Variants in SRGAP1 observed in about 807,000 individuals in gnomAD.
The protein encoded by SRGAP1 is SLIT-ROBO Rho GTPase activating protein 1.
SRGAP1 carries 43 observed loss-of-function variants against 121.9 expected under a neutral mutation model. The observed-to-expected ratio is 0.35, with a 90% CI of 0.28 to 0.46. The LOEUF (loss-of-function observed/expected upper bound fraction) is 0.46, where lower values mean the gene tolerates loss of function less well. Ranked by LOEUF, SRGAP1 falls within the 20% of genes least tolerant of loss-of-function variation. SRGAP1 has a pLI of 1.00. For synonymous variants in SRGAP1, 447 were observed against 485.4 expected, an observed-to-expected ratio of 0.92 and a Z score of 1.04; for missense variants, 1,102 against 1,350.9, an observed-to-expected ratio of 0.82 and a Z score of 2.89.
chr12:63,902,658 C>T (rs919529551), intron 1 of SRGAP1, among the ~76,000 whole-genome samples: 3 of 152,198 alleles, frequency 2.0e-5, no homozygotes, highest in African/African-American at 7.2e-5. Context: ...TCTATTTCCT[C>T]AGTTTGCAGT....
chr12:64,135,546 A>C (rs1300300370), intron 21 of SRGAP1, among the ~76,000 whole-genome samples: 1 of 152,108 alleles, frequency 6.6e-6, no homozygotes, highest in Non-Finnish European at 1.5e-5. Context: ...CTCCATACAA[A>C]TGTATTATGT....
intron 4 of SRGAP1, among the ~76,000 whole-genome samples, chr12:64,025,154 A>G (rs987847503): frequency 0.016 from 892 of 54,662 alleles, 10 homozygotes; most frequent in African/African-American, 0.052. Flanking sequence ...CGTTTAAATA[A>G]AAAAAAAAAA....
intron 1 of SRGAP1, among the ~76,000 whole-genome samples, chr12:63,865,610 G>A (rs1264563865): frequency 1.3e-5 from 2 of 152,180 alleles, no homozygotes; most frequent in African/African-American, 2.4e-5. Flanking sequence ...GTCTGTTGGC[G>A]AGAGGTCAGG....
At chr12:64,056,937 T>C (rs1018898216) in intron 6 of SRGAP1, among the ~76,000 whole-genome samples, 6 of 152,188 alleles carry the variant, frequency 3.9e-5, no homozygotes, top group Admixed American at 1.3e-4. Flanking sequence ...ACCCTTTATC[T>C]TATCTATAGC....
At chr12:64,059,645 A>G (rs2035409486) in intron 6 of SRGAP1, among the ~76,000 whole-genome samples, 1 of 152,150 alleles carries the variant, frequency 6.6e-6, no homozygotes, top group African/African-American at 2.4e-5. Flanking sequence ...GTTTTCATTA[A>G]CGCAAATTTC....
chr12:63,880,991 G>C (rs926264420), intron 1 of SRGAP1, among the ~76,000 whole-genome samples: 1 of 152,208 alleles, frequency 6.6e-6, no homozygotes, highest in African/African-American at 2.4e-5. Context: ...GGAGTAGGGG[G>C]AGGGAGGAGA....
intron 1 of SRGAP1, among the ~76,000 whole-genome samples, chr12:63,889,782 C>G (rs1900516284): frequency 6.6e-6 from 1 of 152,054 alleles, no homozygotes; most frequent in African/African-American, 2.4e-5. Flanking sequence ...GTGTGAAGCG[C>G]CTGTAATCCC....
intron 1 of SRGAP1, among the ~76,000 whole-genome samples, chr12:63,950,295 A>G (rs1039269656): frequency 2.6e-5 from 4 of 152,184 alleles, no homozygotes; most frequent in African/African-American, 9.7e-5. Flanking sequence ...ACCTCAGAGA[A>G]CTAGACAGTT....
At chr12:63,929,738 C>A (rs2136336017) in intron 1 of SRGAP1, among the ~76,000 whole-genome samples, 1 of 152,234 alleles carries the variant, frequency 6.6e-6, no homozygotes, top group South Asian at 2.1e-4. Flanking sequence ...CTAAAAAGAT[C>A]CATTTTCTTT....
chr12:64,142,086 C>T (rs1438240441), intron 21 of SRGAP1, among the ~76,000 whole-genome samples: 2 of 152,112 alleles, frequency 1.3e-5, no homozygotes, highest in South Asian at 4.2e-4. Flanking sequence ...TACATGGCTC[C>T]ATGAGCCATT....
intron 1 of SRGAP1, among the ~76,000 whole-genome samples, chr12:63,866,380 A>G (rs1565926760): frequency 1.3e-5 from 2 of 152,292 alleles, no homozygotes; most frequent in South Asian, 2.1e-4. Flanking sequence ...CTGCTTTATG[A>G]CCCATTTTTA....
chr12:64,133,288 G>C (rs2036813309), intron 21 of SRGAP1, among the ~76,000 whole-genome samples: 1 of 152,152 alleles, frequency 6.6e-6, no homozygotes, highest in African/African-American at 2.4e-5. Flanking sequence ...CACCCTACCA[G>C]TCCAGAGCCA....
In SRGAP1 at chr12:64,111,987, G is replaced by T; in HGVS notation, c.2144+1G>T. On this transcript the variant is annotated splice_donor_variant, in intron 17 of 21. Coordinates refer to ENST00000355086, the MANE Select transcript of SRGAP1 (RefSeq NM_020762.4). LOFTEE classifies it high-confidence loss of function. ...AATGTATGGCTGGAGATGACTATTGGTAAGTCTAAGAATTTTAGTCCTCCT... is the reference window on the plus strand; with the variant it reads ...AATGTATGGCTGGAGATGACTATTGTTAAGTCTAAGAATTTTAGTCCTCCT... 1 of 1,611,790 alleles carries T rather than the reference G, an allele frequency of 6.2e-7. No homozygotes were observed. The highest frequency in any genetic ancestry group is 8.5e-7 in the Non-Finnish European group (1 of 1,178,400).
chr12:64,001,578 T>C (rs1200479014), intron 3 of SRGAP1, among the ~76,000 whole-genome samples: 1 of 152,186 alleles, frequency 6.6e-6, no homozygotes, highest in African/African-American at 2.4e-5. Context: ...CAAGACTACA[T>C]GGAAGGCAAC....
chr12:63,927,757 C>G lies in SRGAP1; in HGVS notation c.68-56190C>G, dbSNP rs533408974. On this transcript the variant is annotated intron_variant, in intron 1 of 21. Coordinates refer to ENST00000355086, the MANE Select transcript of SRGAP1 (RefSeq NM_020762.4). Reference sequence around the variant, plus strand: ...CACCTGTGTCCCCCAGAGCTATAAACGCTTTATGGTTGGTAATATACCATA... The same window carrying G: ...CACCTGTGTCCCCCAGAGCTATAAAGGCTTTATGGTTGGTAATATACCATA... Among the ~76,000 whole-genome samples the G allele has an allele frequency of 2.0e-5, 3 of 152,002 alleles. No individual in the cohort carries two copies. The South Asian group carries it at 6.2e-4, about 32-fold the overall frequency.
intron 6 of SRGAP1, among the ~76,000 whole-genome samples, chr12:64,058,101 C>T (rs1247789477): frequency 6.6e-6 from 1 of 152,210 alleles, no homozygotes; most frequent in Non-Finnish European, 1.5e-5. Flanking sequence ...ACACATTATA[C>T]TCACCATGTT....
intron 1 of SRGAP1, among the ~76,000 whole-genome samples, chr12:63,924,450 A>G (rs899446002): frequency 7.9e-5 from 12 of 152,210 alleles, no homozygotes; most frequent in South Asian, 6.2e-4. Flanking sequence ...TGTTGAATCC[A>G]TATTTTAGAG....
intron 1 of SRGAP1, among the ~76,000 whole-genome samples, chr12:63,906,209 G>C (rs901700198): frequency 4.5e-4 from 68 of 152,284 alleles, no homozygotes; most frequent in African/African-American, 1.6e-3. Context: ...TCATGAGTCA[G>C]TAGTTCATTT....
At chr12:64,072,106 C>CTGTGTGTG (rs1212999220) in intron 8 of SRGAP1, among the ~76,000 whole-genome samples, 721 of 37,552 alleles carry the variant, frequency 0.019, 9 homozygotes, top group African/African-American at 0.04. Flanking sequence ...CCCAATCTCT[C>CTGTGTGTG]TCTGTGTGTG....
Sources: allele counts gnomAD v4.1 joint callset (sites outside exome capture counted in the v4.1 genomes callset), GRCh38; gene constraint gnomAD v4.1.1; transcripts MANE v1.5; gene names NCBI Gene and HGNC (gene_info 2026-07-23, HGNC 2026-07-21).